FAF1: variants seen among roughly 807,000 people sequenced by gnomAD.
The protein encoded by FAF1 is Fas associated factor 1, also known as FAS-associated factor 1.
In FAF1, 25 loss-of-function variants were observed where a neutral mutation model predicts 92.5. The ratio of observed to expected loss-of-function variants is 0.27; its 90% CI spans 0.20 to 0.38. The LOEUF (loss-of-function observed/expected upper bound fraction) is 0.38. Ranked by LOEUF, FAF1 falls within the 10% of genes least tolerant of loss-of-function variation. The pLI is 1.00. For missense variants in FAF1, 636 were observed against 793.3 expected (o/e 0.80, Z 2.38); for synonymous variants, 234 against 273.2 (o/e 0.86, Z 1.42).
At chr1:50,813,110 C>T (rs755552545) in intron 2 of FAF1, among the ~76,000 whole-genome samples, 4 of 151,918 alleles carry the variant, frequency 2.6e-5, no homozygotes, top group Admixed American at 1.3e-4. Flanking sequence ...AACTACCTAT[C>T]AGGTACTATG....
At chr1:50,502,422 A>C (rs1306232538) in intron 15 of FAF1, among the ~76,000 whole-genome samples, 1 of 152,180 alleles carries the variant, frequency 6.6e-6, no homozygotes, top group African/African-American at 2.4e-5. Context: ...TATTAGCAAA[A>C]ATTATGATGG....
At chr1:50,871,640 C>T (rs1469485411) in intron 1 of FAF1, among the ~76,000 whole-genome samples, 1 of 152,160 alleles carries the variant, frequency 6.6e-6, no homozygotes, top group African/African-American at 2.4e-5. Flanking sequence ...GCTTCTGGGA[C>T]CTACTGCTTA....
intron 6 of FAF1, among the ~76,000 whole-genome samples, chr1:50,719,609 G>C (rs1658324943): frequency 6.6e-6 from 1 of 152,184 alleles, no homozygotes; most frequent in African/African-American, 2.4e-5. Context: ...GTGGTAATTA[G>C]TGATGATAGT....
intron 8 of FAF1, among the ~76,000 whole-genome samples, chr1:50,630,274 T>C (rs1471645446): frequency 6.6e-6 from 1 of 152,190 alleles, no homozygotes; most frequent in East Asian, 1.9e-4. Flanking sequence ...ATATTTTGCA[T>C]TAAACTAAAA....
intron 15 of FAF1, among the ~76,000 whole-genome samples, chr1:50,508,901 A>G (rs1481519699): frequency 2.6e-5 from 4 of 152,108 alleles, no homozygotes; most frequent in South Asian, 2.1e-4. Context: ...ACGGGGTTTC[A>G]CCATGTTGGC....
intron 7 of FAF1, among the ~76,000 whole-genome samples, chr1:50,673,628 A>C (rs75177467): frequency 1.8e-3 from 271 of 152,296 alleles, no homozygotes; most frequent in African/African-American, 6.2e-3. Flanking sequence ...ATGGGTGATA[A>C]GAGACTCTTG....
chr1:50,942,228 C>T lies in FAF1; in HGVS notation c.45+17539G>A, dbSNP rs554951911. ...AGAAGGAAAACGTTCAGGCCAGATG[C>T]GGTGGCTCATGCCTGTAATGCCAAT... is the stretch of plus-strand genomic sequence containing the variant. On this transcript the variant is annotated intron_variant, in intron 1 of 18. Coordinates refer to ENST00000396153, the MANE Select transcript of FAF1 (RefSeq NM_007051.3). 2.9e-4 allele frequency among the ~76,000 whole-genome samples: 44 copies of T among 152,314 alleles called. No homozygotes were observed. In the South Asian group the frequency reaches 3.3e-3, roughly 11 times the overall value.
At chr1:50,596,429 T>C (rs1233850734) in intron 8 of FAF1, among the ~76,000 whole-genome samples, 1 of 152,168 alleles carries the variant, frequency 6.6e-6, no homozygotes. Context: ...CATTAGATGA[T>C]AGACTGAGGT....
At position 50,503,177 on chromosome 1, in the gene FAF1, A is replaced by G. The variant is rs374510055; in HGVS notation, c.1495-11376T>C. On this transcript the variant is annotated intron_variant, in intron 15 of 18. Transcript: ENST00000396153. ...AGGCAGTTATGCAAAATTTTTAAAT[A>G]TAAAGGTTAAATTATCCTATTAACA... Among the ~76,000 whole-genome samples the G allele has an allele frequency of 1.1e-4, 17 of 152,282 alleles. No individual in the cohort carries two copies. In the East Asian group the frequency reaches 2.7e-3, roughly 24 times the overall value.
chr1:50,708,557 A>G (rs1657789224), intron 6 of FAF1, among the ~76,000 whole-genome samples: 1 of 152,066 alleles, frequency 6.6e-6, no homozygotes, highest in African/African-American at 2.4e-5. Context: ...TGAATATAAG[A>G]CTCAAAGGTC....
intron 8 of FAF1, among the ~76,000 whole-genome samples, chr1:50,634,444 T>C (rs972434301): frequency 6.6e-6 from 1 of 152,226 alleles, no homozygotes; most frequent in Non-Finnish European, 1.5e-5. Flanking sequence ...GTATCACATA[T>C]GTTACAGCTG....
intron 17 of FAF1, among the ~76,000 whole-genome samples, chr1:50,478,311 G>A (rs1392423098): frequency 1.3e-5 from 2 of 151,908 alleles, no homozygotes; most frequent in South Asian, 2.1e-4. Flanking sequence ...TTACAGGTGC[G>A]TGCCAGCACA....
intron 1 of FAF1, among the ~76,000 whole-genome samples, chr1:50,858,723 C>T (rs1644409997): frequency 6.6e-6 from 1 of 151,674 alleles, no homozygotes; most frequent in African/African-American, 2.4e-5. Flanking sequence ...AAATTAACTA[C>T]ATATATGAAA....
At chr1:50,504,257 T>C (rs1006465815) in intron 15 of FAF1, among the ~76,000 whole-genome samples, 4 of 152,004 alleles carry the variant, frequency 2.6e-5, no homozygotes, top group Non-Finnish European at 5.9e-5. Context: ...GTATCCAATA[T>C]GCATCTACTA....
At chr1:50,486,192 G>T (rs1646766507) in intron 17 of FAF1, among the ~76,000 whole-genome samples, 2 of 152,112 alleles carry the variant, frequency 1.3e-5, no homozygotes, top group African/African-American at 4.8e-5. Flanking sequence ...TGGCACGAAG[G>T]CATAAAAGGA....
chr1:50,674,581 G>A (rs1450851236), intron 7 of FAF1, among the ~76,000 whole-genome samples: 3 of 152,178 alleles, frequency 2.0e-5, no homozygotes, highest in Non-Finnish European at 4.4e-5. Context: ...TTGTGCAAGT[G>A]AATATTGTCA....
intron 9 of FAF1, among the ~76,000 whole-genome samples, chr1:50,591,544 G>A (rs1444159413): frequency 1.3e-5 from 2 of 151,942 alleles, no homozygotes; most frequent in South Asian, 2.1e-4. Flanking sequence ...ATGGTGGTGG[G>A]TGCCTATAAT....
chr1:50,732,072 AT>A (rs911431987), intron 6 of FAF1, among the ~76,000 whole-genome samples: 4 of 151,102 alleles, frequency 2.6e-5, no homozygotes, highest in African/African-American at 7.3e-5. Flanking sequence ...TATTATTATT[AT>A]TTATTTATTT....
At chr1:50,472,416 CA>C (rs1646586753) in intron 18 of FAF1, among the ~76,000 whole-genome samples, 2 of 141,274 alleles carry the variant, frequency 1.4e-5, no homozygotes, top group South Asian at 2.3e-4. Context: ...CACACACACA[CA>C]CACACAAACC....
Sources: allele counts gnomAD v4.1 joint callset (sites outside exome capture counted in the v4.1 genomes callset), GRCh38; gene constraint gnomAD v4.1.1; transcripts MANE v1.5; gene names NCBI Gene and HGNC (gene_info 2026-07-23, HGNC 2026-07-21).